CSMD1: variants seen among roughly 807,000 people sequenced by gnomAD.
CSMD1 encodes the protein CUB and sushi domain-containing protein 1.
Under a neutral mutation model 417.5 loss-of-function variants are expected in CSMD1, and 213 were observed. That is an observed-to-expected ratio of 0.51 (90% CI 0.46 to 0.57). CSMD1 has a LOEUF of 0.57. CSMD1 is among the 20% of genes least tolerant of loss of function. The pLI is 0.00. For synonymous variants in CSMD1, 2,862 were observed against 1,736.8 expected (o/e 1.65, Z -16.11); for missense variants, 6,923 against 4,529.7 (o/e 1.53, Z -15.17).
At chr8:3,213,622 A>G (rs1048665788) in intron 30 of CSMD1, among the ~76,000 whole-genome samples, 11 of 152,040 alleles carry the variant, frequency 7.2e-5, no homozygotes, top group African/African-American at 2.4e-4. Context: ...ATTTAAATAT[A>G]TACATATTAG....
chr8:4,389,455 CAT>C (rs1242358257), intron 3 of CSMD1, among the ~76,000 whole-genome samples: 2 of 151,974 alleles, frequency 1.3e-5, no homozygotes, highest in African/African-American at 2.4e-5. Flanking sequence ...AACAAACAAA[CAT>C]AATTTGGTTA....
At chr8:3,267,520 G>C (rs1163829045) in intron 26 of CSMD1, among the ~76,000 whole-genome samples, 1 of 152,186 alleles carries the variant, frequency 6.6e-6, no homozygotes, top group Non-Finnish European at 1.5e-5. Context: ...GAGTCCAGAG[G>C]AGAGAATCCA....
At chr8:3,236,073 A>G (rs573262492) in intron 26 of CSMD1, among the ~76,000 whole-genome samples, 1 of 151,734 alleles carries the variant, frequency 6.6e-6, no homozygotes, top group Non-Finnish European at 1.5e-5. Context: ...GCCTACCACC[A>G]CACCAGGCTA....
chr8:3,788,307 T>C (rs755062928), intron 5 of CSMD1, among the ~76,000 whole-genome samples: 3 of 152,164 alleles, frequency 2.0e-5, no homozygotes, highest in African/African-American at 7.2e-5. Flanking sequence ...TTTAGTAAAA[T>C]GCATAATAAA....
chr8:3,588,389 G>C (rs1397017589), intron 8 of CSMD1, among the ~76,000 whole-genome samples: 2 of 152,284 alleles, frequency 1.3e-5, no homozygotes, highest in Admixed American at 1.3e-4. Context: ...CGGGTAGGAA[G>C]AGTTGGAATT....
chr8:4,274,378 T>A (rs1255201960), intron 3 of CSMD1, among the ~76,000 whole-genome samples: 1 of 152,142 alleles, frequency 6.6e-6, no homozygotes, highest in Non-Finnish European at 1.5e-5. Flanking sequence ...AGCACAAAAT[T>A]AAGATTTTAA....
At chr8:3,688,262 G>T (rs1280095949) in intron 7 of CSMD1, among the ~76,000 whole-genome samples, 1 of 152,140 alleles carries the variant, frequency 6.6e-6, no homozygotes, top group East Asian at 1.9e-4. Context: ...TACAAATATT[G>T]TCTCTTTTCT....
intron 48 of CSMD1, among the ~76,000 whole-genome samples, chr8:3,090,873 T>C (rs994806001): frequency 2.0e-5 from 3 of 152,106 alleles, no homozygotes; most frequent in Non-Finnish European, 4.4e-5. Context: ...CTGATGATTG[T>C]ATACAGGATT....
chr8:3,563,212 T>G (rs1409796091), intron 10 of CSMD1, among the ~76,000 whole-genome samples: 6 of 152,074 alleles, frequency 3.9e-5, no homozygotes, highest in African/African-American at 1.4e-4. Flanking sequence ...TGTTTTCTAA[T>G]GTCTTCCTTC....
intron 2 of CSMD1, among the ~76,000 whole-genome samples, chr8:4,459,518 G>A (rs568393789): frequency 2.6e-5 from 4 of 152,306 alleles, no homozygotes; most frequent in East Asian, 1.9e-4. Context: ...TGGAAATTGT[G>A]AGGATAAGCA....
chr8:3,344,541 C>T (rs1807863772), intron 22 of CSMD1, among the ~76,000 whole-genome samples: 1 of 152,180 alleles, frequency 6.6e-6, no homozygotes. Context: ...ACGGCTAATC[C>T]ACCTGCCTCC....
At chr8:3,319,962 T>A in intron 23 of CSMD1, among the ~76,000 whole-genome samples, 1 of 152,192 alleles carries the variant, frequency 6.6e-6, no homozygotes, top group Non-Finnish European at 1.5e-5. Flanking sequence ...TGTTATCACC[T>A]TAGACTTAAG....
chr8:4,245,864 T>C (rs1365659464), intron 3 of CSMD1, among the ~76,000 whole-genome samples: 2 of 152,290 alleles, frequency 1.3e-5, no homozygotes, highest in East Asian at 1.9e-4. Flanking sequence ...TCTTTGAACA[T>C]AGGACATCTC....
intron 49 of CSMD1, among the ~76,000 whole-genome samples, 178 bp downstream of exon 49, chr8:3,086,919 A>G (rs1279651833): frequency 6.6e-6 from 1 of 152,194 alleles, no homozygotes; most frequent in South Asian, 2.1e-4. Flanking sequence ...AGGCTATACA[A>G]CTACATGTCA....
chr8:4,196,282 G>C lies in CSMD1; in HGVS notation c.416-164183C>G, dbSNP rs190663279. Among the ~76,000 whole-genome samples the C allele has an allele frequency of 2.0e-3, 306 of 152,282 alleles. 3 individuals carry two copies. Among genetic ancestry groups the C allele is most frequent in the African/African-American group, 7.1e-3 (296 of 41,548 alleles). ...CAAGCCACTCTTTTGTGGTCATTGA[G>C]TTTACAGAGCGCTCATTTGTTCTAT... On this transcript the variant is annotated intron_variant, in intron 3 of 69. Coordinates refer to ENST00000635120, the MANE Select transcript of CSMD1 (RefSeq NM_033225.6).
chr8:3,545,088 A>G (rs758090867), intron 10 of CSMD1, among the ~76,000 whole-genome samples: 2 of 152,214 alleles, frequency 1.3e-5, no homozygotes, highest in Non-Finnish European at 2.9e-5. Flanking sequence ...ACCTTAACAA[A>G]GTATAAAACC....
At chr8:3,705,603 C>G (rs1463277770) in intron 7 of CSMD1, among the ~76,000 whole-genome samples, 1 of 152,162 alleles carries the variant, frequency 6.6e-6, no homozygotes, top group Admixed American at 6.5e-5. Context: ...AAGATGGAAG[C>G]AAACAGAGGG....
chr8:3,842,100 A>G (rs762993239), intron 5 of CSMD1, among the ~76,000 whole-genome samples: 5 of 152,190 alleles, frequency 3.3e-5, no homozygotes, highest in Admixed American at 6.5e-5. Flanking sequence ...GAAAACACAC[A>G]TGCCTTCATT....
At chr8:4,595,420 C>A (rs1473292521) in intron 2 of CSMD1, among the ~76,000 whole-genome samples, 1 of 88,490 alleles carries the variant, frequency 1.1e-5, no homozygotes, top group African/African-American at 3.2e-5. Flanking sequence ...TATACATTGT[C>A]AATATGCTAA....
Sources: gnomAD v4.1 joint callset for allele counts (sites outside exome capture counted in the v4.1 genomes callset) on GRCh38, gnomAD v4.1.1 for gene constraint, MANE v1.5 for transcripts, NCBI Gene and HGNC (gene_info 2026-07-23, HGNC 2026-07-21) for gene names.